The following PANX1 variants were observed in gnomAD, a reference collection of about 807,000 sequenced individuals.
The protein encoded by PANX1 is pannexin 1.
In PANX1, 30 loss-of-function variants were observed where a neutral mutation model predicts 38.7. The ratio of observed to expected loss-of-function variants is 0.78; its 90% CI spans 0.58 to 1.05. The LOEUF is 1.05. PANX1 is among the 50% of genes least tolerant of loss of function. The probability of loss-of-function intolerance (pLI) is 0.00; values close to 1 mark genes in which losing one functional copy is unlikely to be tolerated. For synonymous variants in PANX1, 230 were observed against 212.2 expected, an observed-to-expected ratio of 1.08 and a Z score of -0.73; for missense variants, 551 against 517.2, an observed-to-expected ratio of 1.07 and a Z score of -0.63.
chr11:94,152,553 T>G (rs1946894520), intron 1 of PANX1, among the ~76,000 whole-genome samples: 1 of 151,890 alleles, frequency 6.6e-6, no homozygotes, highest in African/African-American at 2.4e-5. Context: ...CACCTTTGAA[T>G]GTGCCAGGTG....
chr11:94,131,921 C>T (rs1260687514), intron 1 of PANX1, among the ~76,000 whole-genome samples: 1 of 152,130 alleles, frequency 6.6e-6, no homozygotes, highest in Non-Finnish European at 1.5e-5. Flanking sequence ...GCACTTTGCC[C>T]ACCATATTGG....
At position 94,148,836 on chromosome 11, in the gene PANX1, A is replaced by G. The variant is rs182464666; in HGVS notation, c.182-4655A>G. 1.8e-4 allele frequency among the ~76,000 whole-genome samples: 28 copies of G among 152,246 alleles called. No individual in the cohort carries two copies. The East Asian group carries it at 3.7e-3, about 20-fold the overall frequency. The stretch of plus-strand genomic sequence containing the variant: ...CTCTGTTTTCCCTTTGAGCCTCCAG[A>G]ACAACCCCAGGATTTTCTCTCCTGG... On this transcript the variant is annotated intron_variant, in intron 1 of 4. Transcript: ENST00000227638.
At chr11:94,141,131 T>A (rs946491997) in intron 1 of PANX1, among the ~76,000 whole-genome samples, 1 of 152,168 alleles carries the variant, frequency 6.6e-6, no homozygotes, top group African/African-American at 2.4e-5. Context: ...TTTCAGGGTT[T>A]CCAGACCACA....
chr11:94,131,890 G>T (rs1032901696), intron 1 of PANX1, among the ~76,000 whole-genome samples: 25 of 152,158 alleles, frequency 1.6e-4, no homozygotes, highest in African/African-American at 5.8e-4. Context: ...AAGGGAGAAT[G>T]AAGTAATTGA....
chr11:94,145,611 C>G (rs942217796), intron 1 of PANX1, among the ~76,000 whole-genome samples: 12 of 152,220 alleles, frequency 7.9e-5, no homozygotes, highest in African/African-American at 2.9e-4. Flanking sequence ...GTGACTGTAT[C>G]TTCATACCAT....
At chr11:94,163,429 A>G (rs921164331) in intron 2 of PANX1, among the ~76,000 whole-genome samples, 3 of 152,260 alleles carry the variant, frequency 2.0e-5, no homozygotes, top group Non-Finnish European at 2.9e-5. Context: ...GGTTTTTATC[A>G]TGAAGGGATG....
At chr11:94,169,092 G>T (rs1947134806) in intron 2 of PANX1, among the ~76,000 whole-genome samples, 1 of 151,596 alleles carries the variant, frequency 6.6e-6, no homozygotes, top group South Asian at 2.1e-4. Context: ...ATGGTATCTG[G>T]AGATTGCAGG....
chr11:94,136,474 G>T (rs72970709), intron 1 of PANX1, among the ~76,000 whole-genome samples: 1 of 152,168 alleles, frequency 6.6e-6, no homozygotes, highest in Non-Finnish European at 1.5e-5. Flanking sequence ...CAGGGACCAT[G>T]TGTCCTTAAA....
At position 94,172,322 on chromosome 11, in the gene PANX1, C is replaced by G. The variant is rs183667333; in HGVS notation, c.322-6047C>G. ...CCATCTACACCATTTCTCAAATTCT[C>G]TGTGCATGCAGATCACCTGGGGATT... On this transcript the variant is annotated intron_variant, in intron 2 of 4. Coordinates refer to ENST00000227638, the MANE Select transcript of PANX1 (RefSeq NM_015368.4). Among the ~76,000 whole-genome samples, 287 of 151,934 alleles carry G rather than the reference C, an allele frequency of 1.9e-3. 13 individuals carry two copies. The highest frequency in any genetic ancestry group is 6.7e-3 in the African/African-American group (277 of 41,180).
intron 2 of PANX1, 33 bp from the exon 3 acceptor site, chr11:94,178,336 G>A: frequency 1.3e-6 from 2 of 1,543,304 alleles, no homozygotes; most frequent in South Asian, 2.2e-5. Flanking sequence ...TGGGGGGTTT[G>A]TTAAGCCCAT....
Position 94,151,360 on chromosome 11 carries a change from C to G in PANX1, c.182-2131C>G, listed in dbSNP as rs187302504. 3.3e-5 allele frequency among the ~76,000 whole-genome samples: 5 copies of G among 152,298 alleles called. No homozygotes were observed. In the East Asian group the frequency reaches 9.7e-4, roughly 29 times the overall value. On this transcript the variant is annotated intron_variant, in intron 1 of 4. Transcript: ENST00000227638. ...ATCCCAAGATAGAGCTTGAAGCACT[C>G]TTTCCTATAGAAAGAATGTTAATAA... is the stretch of plus-strand genomic sequence containing the variant.
chr11:94,136,172 C>T (rs1007125778), intron 1 of PANX1, among the ~76,000 whole-genome samples: 8 of 151,838 alleles, frequency 5.3e-5, no homozygotes, highest in African/African-American at 9.7e-5. Flanking sequence ...TGCATTCCTG[C>T]GTTCCTATTT....
At chr11:94,153,139 T>C (rs953959367) in intron 1 of PANX1, among the ~76,000 whole-genome samples, 1 of 152,140 alleles carries the variant, frequency 6.6e-6, no homozygotes, top group Admixed American at 6.6e-5. Flanking sequence ...ACATAACCTT[T>C]CCTTTTTCTC....
intron 2 of PANX1, among the ~76,000 whole-genome samples, chr11:94,159,175 G>A (rs137988483): frequency 0.011 from 1,689 of 152,024 alleles, 36 homozygotes; most frequent in African/African-American, 0.038. Context: ...GGATTTTTGC[G>A]TCGATGTTCA....
intron 2 of PANX1, among the ~76,000 whole-genome samples, chr11:94,176,166 C>T (rs577436593): frequency 1.3e-5 from 2 of 151,784 alleles, no homozygotes; most frequent in East Asian, 3.9e-4. Context: ...CTCTTCACTA[C>T]TTCAAAGTTT....
intron 1 of PANX1, among the ~76,000 whole-genome samples, chr11:94,146,193 C>T (rs546791840): frequency 1.1e-4 from 16 of 152,190 alleles, no homozygotes; most frequent in African/African-American, 3.9e-4. Flanking sequence ...TTGATAGGAA[C>T]CATTTGAACA....
chr11:94,143,002 T>C (rs1946781252), intron 1 of PANX1, among the ~76,000 whole-genome samples: 1 of 152,264 alleles, frequency 6.6e-6, no homozygotes, highest in Non-Finnish European at 1.5e-5. Flanking sequence ...CATGAGTTTT[T>C]GTCTATTTAG....
At chr11:94,159,215 T>G (rs552641246) in intron 2 of PANX1, among the ~76,000 whole-genome samples, 109 of 152,134 alleles carry the variant, frequency 7.2e-4, no homozygotes, top group South Asian at 3.9e-3. Context: ...GTTCTTTTTT[T>G]TTGTTGTTGT....
chr11:94,151,610 G>A (rs1337689362), intron 1 of PANX1, among the ~76,000 whole-genome samples: 2 of 152,308 alleles, frequency 1.3e-5, no homozygotes, highest in Non-Finnish European at 2.9e-5. Flanking sequence ...CTTGGTAGGT[G>A]GTTGGCTTAG....
Sources: gnomAD v4.1 joint callset for allele counts (sites outside exome capture counted in the v4.1 genomes callset) on GRCh38, gnomAD v4.1.1 for gene constraint, MANE v1.5 for transcripts, NCBI Gene and HGNC (gene_info 2026-07-23, HGNC 2026-07-21) for gene names.